CFHR5: variants seen among roughly 807,000 people sequenced by gnomAD.
CFHR5 encodes complement factor H-related protein 5.
In CFHR5, 73 loss-of-function variants were observed where a neutral mutation model predicts 62.9. The ratio of observed to expected loss-of-function variants is 1.16; its 90% confidence interval spans 0.96 to 1.41. The LOEUF (loss-of-function observed/expected upper bound fraction) is 1.41. Ranked by LOEUF, CFHR5 falls within the 40% of genes most tolerant of loss-of-function variation. The pLI, the probability that CFHR5 is intolerant of heterozygous loss-of-function variation, is 0.00. For synonymous variants in CFHR5, 249 were observed against 227.2 expected (o/e 1.10, Z -0.86); for missense variants, 779 against 679.9 (o/e 1.15, Z -1.62).
At chr1:196,978,285 C>T (rs1213328342) in intron 1 of CFHR5, among the ~76,000 whole-genome samples, 1 of 152,014 alleles carries the variant, frequency 6.6e-6, no homozygotes, top group Non-Finnish European at 1.5e-5. Context: ...AGCTCTTCCA[C>T]AAATTTCAAA....
intron 4 of CFHR5, among the ~76,000 whole-genome samples, chr1:196,994,616 A>G (rs1653940241): frequency 6.6e-6 from 1 of 152,192 alleles, no homozygotes; most frequent in African/African-American, 2.4e-5. Context: ...AAGTCATTGC[A>G]TATACGAATT....
chr1:197,006,715 A>G (rs1015847525), intron 9 of CFHR5, among the ~76,000 whole-genome samples: 1 of 152,000 alleles, frequency 6.6e-6, no homozygotes, highest in African/African-American at 2.4e-5. Flanking sequence ...TCCGTCAAAA[A>G]AAAAAAAAGA....
chr1:196,986,589 A>G (rs181797670), intron 3 of CFHR5, among the ~76,000 whole-genome samples: 6 of 152,070 alleles, frequency 3.9e-5, no homozygotes, highest in Admixed American at 1.3e-4. Context: ...CCATTGTTCA[A>G]TTCCCACCTG....
Position 196,982,893 on chromosome 1 carries a change from T to A in CFHR5, c.67T>A (p.Cys23Ser), listed in dbSNP as rs1168494773. Residue 23 changes from cysteine (C) to serine (S), a missense_variant, in exon 2 of 10, where the codon TGT (cysteine) becomes AGT (serine). By Grantham distance (112) the Cys-to-Ser change is moderately radical. Coordinates refer to ENST00000256785, the MANE Select transcript of CFHR5 (RefSeq NM_030787.4). ...VSTVGGEGTL[C>S]DFPKIHHGFL... ...TGTGTTATTTTTCCCAGGAACACTT[T>A]GTGATTTTCCAAAAATACACCATGG... 3 of 1,613,770 alleles carry A rather than the reference T, an allele frequency of 1.9e-6. No individual in the cohort carries two copies. Among genetic ancestry groups the A allele is most frequent in the Non-Finnish European group, 2.5e-6 (3 of 1,179,822 alleles).
chr1:196,995,088 T>G (rs995722611), intron 4 of CFHR5, among the ~76,000 whole-genome samples: 2 of 152,154 alleles, frequency 1.3e-5, no homozygotes, highest in Middle Eastern at 3.2e-3. Flanking sequence ...TAGATATTAA[T>G]AAAAGTTATA....
chr1:197,006,312 A>G (rs1197562592), intron 9 of CFHR5, among the ~76,000 whole-genome samples: 2 of 152,190 alleles, frequency 1.3e-5, no homozygotes, highest in Admixed American at 6.5e-5. Flanking sequence ...AAAAAAACCC[A>G]TCATAGATAT....
At chr1:197,000,069 T>C (rs749704339) in intron 7 of CFHR5, among the ~76,000 whole-genome samples, 6 of 150,888 alleles carry the variant, frequency 4.0e-5, no homozygotes, top group Non-Finnish European at 8.9e-5. Context: ...AACCAAAGAG[T>C]AGATGAAAAC....
In CFHR5 at chr1:196,998,147, G is replaced by A. The variant is rs763680401; in HGVS notation, c.990G>A (p.Arg330=). ...PMCVATHQLK[R]CKIAGVNIKT... Reference sequence around the variant, plus strand: ...TTATAGCAACACACCAACTTAAGAGGTGCAAAATAGCAGGAGTTAATATAA... The same window carrying A: ...TTATAGCAACACACCAACTTAAGAGATGCAAAATAGCAGGAGTTAATATAA... The change falls in exon 7 of 10, where the codon AGG becomes AGA. Residue 330 remains arginine (R), a synonymous_variant. Coordinates refer to ENST00000256785, the MANE Select transcript of CFHR5 (RefSeq NM_030787.4). 1.3e-6 allele frequency: 2 copies of A among 1,555,658 alleles called. No homozygotes were observed. The highest frequency in any genetic ancestry group is 2.4e-5 in the East Asian group (1 of 41,416).
chr1:197,005,374 C>T (rs184397243), intron 9 of CFHR5, among the ~76,000 whole-genome samples: 1 of 152,068 alleles, frequency 6.6e-6, no homozygotes, highest in African/African-American at 2.4e-5. Context: ...TCTTCACTAT[C>T]CCTTCTTTTC....
At chr1:196,999,470 A>G (rs1253978637) in intron 7 of CFHR5, among the ~76,000 whole-genome samples, 2 of 151,450 alleles carry the variant, frequency 1.3e-5, no homozygotes, top group East Asian at 3.9e-4. Flanking sequence ...AACAAATAAC[A>G]TTAAAAGTGT....
rs1654043168 is a variant in CFHR5 at position 196,998,170 on chromosome 1, T to TA, written c.1018dup (p.Thr340AsnfsTer11). On this transcript the variant is annotated frameshift_variant, in exon 7 of 10. Coordinates refer to ENST00000256785, the MANE Select transcript of CFHR5 (RefSeq NM_030787.4). LOFTEE classifies it high-confidence loss of function. Reference sequence around the variant, plus strand: ...AGGTGCAAAATAGCAGGAGTTAATATAAAAACATTACTCAAGCTATCTGGG... The same window carrying TA: ...AGGTGCAAAATAGCAGGAGTTAATATAAAAAACATTACTCAAGCTATCTGGG... The TA allele has an allele frequency of 6.3e-7, 1 of 1,588,242 alleles. No homozygotes were observed. Among genetic ancestry groups the TA allele is most frequent in the African/African-American group, 1.4e-5 (1 of 73,954 alleles).
At chr1:196,987,649 G>C (rs1414599989) in intron 3 of CFHR5, among the ~76,000 whole-genome samples, 1 of 152,030 alleles carries the variant, frequency 6.6e-6, no homozygotes, top group Non-Finnish European at 1.5e-5. Flanking sequence ...TTTTTCTCAG[G>C]TTTGTCAAAG....
intron 7 of CFHR5, among the ~76,000 whole-genome samples, chr1:197,001,203 G>A (rs970612820): frequency 2.0e-5 from 3 of 151,762 alleles, no homozygotes; most frequent in Admixed American, 1.3e-4. Flanking sequence ...CATAAAATAC[G>A]CATCAGTGGG....
intron 1 of CFHR5, among the ~76,000 whole-genome samples, chr1:196,979,587 C>G (rs565915159): frequency 6.6e-6 from 1 of 152,002 alleles, no homozygotes; most frequent in Admixed American, 6.6e-5. Context: ...GGGCTCTTAC[C>G]GTCAATAGGG....
intron 3 of CFHR5, among the ~76,000 whole-genome samples, chr1:196,984,410 G>T (rs546592452): frequency 6.6e-6 from 1 of 152,214 alleles, no homozygotes; most frequent in Non-Finnish European, 1.5e-5. Context: ...ATATTGTCAG[G>T]TTAGTTGACA....
At chr1:196,992,705 T>A (rs1231531998) in intron 3 of CFHR5, among the ~76,000 whole-genome samples, 1 of 152,116 alleles carries the variant, frequency 6.6e-6, no homozygotes, top group African/African-American at 2.4e-5. Context: ...TTTTTAACAA[T>A]TAGTTAAAAA....
chr1:196,992,909 ATTAG>A (rs979977503), intron 3 of CFHR5, among the ~76,000 whole-genome samples: 36 of 152,314 alleles, frequency 2.4e-4, no homozygotes, highest in African/African-American at 8.4e-4. Flanking sequence ...TTATGAGATT[ATTAG>A]TTAGAACATA....
chr1:196,993,112 T>G (rs999784741), intron 3 of CFHR5, among the ~76,000 whole-genome samples: 2 of 152,158 alleles, frequency 1.3e-5, no homozygotes, highest in Non-Finnish European at 2.9e-5. Context: ...ATATTCATAA[T>G]GAGTTAGTTT....
chr1:196,985,058 T>C (rs937385823), intron 3 of CFHR5, among the ~76,000 whole-genome samples: 1 of 152,226 alleles, frequency 6.6e-6, no homozygotes, highest in African/African-American at 2.4e-5. Context: ...TGAAAATAAA[T>C]TTTGTAAAAT....
Sources: allele counts gnomAD v4.1 joint callset (sites outside exome capture counted in the v4.1 genomes callset), GRCh38; gene constraint gnomAD v4.1.1; transcripts MANE v1.5; gene names NCBI Gene and HGNC (gene_info 2026-07-23, HGNC 2026-07-21).